Variants in GFRA1 observed in about 807,000 individuals in gnomAD.
The protein encoded by GFRA1 is GDNF family receptor alpha 1.
GFRA1 carries 16 observed loss-of-function variants against 51.6 expected under a neutral mutation model. That is an observed-to-expected ratio of 0.31 (90% confidence interval 0.21 to 0.47). The LOEUF (loss-of-function observed/expected upper bound fraction) is 0.47, where lower values mean the gene tolerates loss of function less well. Ranked by LOEUF, GFRA1 falls within the 20% of genes least tolerant of loss-of-function variation. The pLI, the probability that GFRA1 is intolerant of heterozygous loss-of-function variation, is 1.00. For missense variants in GFRA1, 530 were observed against 594.3 expected, an observed-to-expected ratio of 0.89 and a Z score of 1.13; for synonymous variants, 270 against 241.3, an observed-to-expected ratio of 1.12 and a Z score of -1.10.
At chr10:116,075,225 AAG>A (rs1246914108) in intron 9 of GFRA1, among the ~76,000 whole-genome samples, 2 of 152,106 alleles carry the variant, frequency 1.3e-5, no homozygotes, top group Non-Finnish European at 2.9e-5. Flanking sequence ...TTAAAAAAAA[AAG>A]TGCTTAGGAG....
chr10:116,192,011 G>T (rs906942414), intron 5 of GFRA1, among the ~76,000 whole-genome samples: 15 of 152,314 alleles, frequency 9.8e-5, no homozygotes, highest in African/African-American at 3.6e-4. Flanking sequence ...TCGGGGACAA[G>T]AGTGAGACTT....
chr10:116,245,645 A>G (rs1268172606), intron 4 of GFRA1, among the ~76,000 whole-genome samples: 1 of 152,236 alleles, frequency 6.6e-6, no homozygotes, highest in Non-Finnish European at 1.5e-5. Context: ...TTATAGCTTT[A>G]TTCATAATAA....
At chr10:116,067,935 C>T (rs1316933907) in intron 9 of GFRA1, among the ~76,000 whole-genome samples, 1 of 152,186 alleles carries the variant, frequency 6.6e-6, no homozygotes, top group Non-Finnish European at 1.5e-5. Flanking sequence ...CTTGTTCCCC[C>T]AAAGCGGGTA....
At chr10:116,171,598 T>C (rs2134230090) in intron 5 of GFRA1, among the ~76,000 whole-genome samples, 1 of 152,344 alleles carries the variant, frequency 6.6e-6, no homozygotes, top group Admixed American at 6.5e-5. Context: ...ATTTGTAGCA[T>C]AAAATTTCTC....
upstream of GFRA1, among the ~76,000 whole-genome samples, chr10:116,274,495 G>A (rs986138588): frequency 6.6e-5 from 10 of 152,196 alleles, 1 homozygote; most frequent in South Asian, 4.1e-4. Flanking sequence ...GGGAGAAGAA[G>A]AGGAGGAAGG....
chr10:116,184,125 A>G (rs984477413), intron 5 of GFRA1, among the ~76,000 whole-genome samples: 2 of 152,154 alleles, frequency 1.3e-5, no homozygotes, highest in East Asian at 1.9e-4. Context: ...CATCAGCCCA[A>G]TTGTTCATGA....
rs1565546926 is a variant in GFRA1 at position 116,064,085 on chromosome 10, C to CATCATGATCATGATGATCATG, written c.*312_*313insCATGATCATCATGATCATGAT. 96 of 196,064 alleles carry CATCATGATCATGATGATCATG rather than the reference C, an allele frequency of 4.9e-4. No individual in the cohort carries two copies. Among genetic ancestry groups the CATCATGATCATGATGATCATG allele is most frequent in the African/African-American group, 1.6e-3 (37 of 23,294 alleles). The allele number at this position is 196,064 out of a possible 1,614,324, so 12.1% of individuals were successfully genotyped here. On this transcript the variant is annotated 3_prime_UTR_variant, in exon 11 of 11. Transcript: ENST00000355422. Reference sequence around the variant, plus strand: ...TCATCATCATGATCATGATGATCATCATCATGATCATCATCATCATCGAAA... The same window carrying CATCATGATCATGATGATCATG: ...TCATCATCATGATCATGATGATCATCATCATGATCATGATGATCATGATCATGATCATCATCATCATCGAAA...
chr10:116,210,705 T>C (rs539954729), intron 5 of GFRA1, among the ~76,000 whole-genome samples: 43 of 152,290 alleles, frequency 2.8e-4, no homozygotes, highest in African/African-American at 1.0e-3. Context: ...ATAACAGTTG[T>C]GAAAATACCA....
chr10:116,211,831 G>A (rs949387188), intron 4 of GFRA1, among the ~76,000 whole-genome samples, 186 bp from the exon 5 acceptor site: 1 of 152,206 alleles, frequency 6.6e-6, no homozygotes, highest in South Asian at 2.1e-4. Context: ...GAGGCTGCTT[G>A]CATTTCAATC....
At chr10:116,065,546 C>T (rs376337481) in intron 10 of GFRA1, 27 bp downstream of exon 10, 150 of 1,589,982 alleles carry the variant, frequency 9.4e-5, no homozygotes, top group African/African-American at 2.2e-4. Flanking sequence ...TATAAATGCA[C>T]GAAGCCTCCA....
At position 116,257,146 on chromosome 10, in the gene GFRA1, T is replaced by C. The variant is rs1968925706; in HGVS notation, c.418+12357A>G. ...CCACTCAGCATCCACAGGGTCCCAA[T>C]GAACCGTTGTCAGAGACCACCTTTC... On this transcript the variant is annotated intron_variant, in intron 4 of 10. Coordinates refer to ENST00000355422, the MANE Select transcript of GFRA1 (RefSeq NM_005264.8). 3.9e-5 allele frequency among the ~76,000 whole-genome samples: 6 copies of C among 152,204 alleles called. No homozygotes were observed. The South Asian group carries it at 1.2e-3, about 32-fold the overall frequency.
At chr10:116,154,545 A>C (rs1297628499) in intron 5 of GFRA1, among the ~76,000 whole-genome samples, 1 of 152,172 alleles carries the variant, frequency 6.6e-6, no homozygotes, top group African/African-American at 2.4e-5. Flanking sequence ...AATGGTGGCT[A>C]CCTTTGTGGG....
At chr10:116,266,617 T>A (rs1209849384) in intron 4 of GFRA1, among the ~76,000 whole-genome samples, 1 of 152,184 alleles carries the variant, frequency 6.6e-6, no homozygotes, top group Non-Finnish European at 1.5e-5. Flanking sequence ...CTCTGGCTAA[T>A]TCATTATGAT....
At chr10:116,118,880 G>A (rs1419803213) in intron 6 of GFRA1, among the ~76,000 whole-genome samples, 1 of 152,200 alleles carries the variant, frequency 6.6e-6, no homozygotes, top group Non-Finnish European at 1.5e-5. Flanking sequence ...GATGCAGGGA[G>A]GGGACCAGCT....
intron 5 of GFRA1, among the ~76,000 whole-genome samples, chr10:116,168,364 T>C (rs1220700380): frequency 1.3e-5 from 2 of 152,134 alleles, no homozygotes; most frequent in Non-Finnish European, 2.9e-5. Flanking sequence ...CAAAAGAGGA[T>C]TGAGCAAGGC....
chr10:116,222,237 C>T (rs991180267), intron 4 of GFRA1, among the ~76,000 whole-genome samples: 4 of 151,980 alleles, frequency 2.6e-5, no homozygotes, highest in Non-Finnish European at 4.4e-5. Flanking sequence ...CTTGCCCTGT[C>T]GCCCAGGCTG....
chr10:116,093,867 T>C (rs751509894), intron 7 of GFRA1, 31 bp from the exon 8 acceptor site: 3 of 1,611,618 alleles, frequency 1.9e-6, no homozygotes, highest in Non-Finnish European at 2.5e-6. Context: ...CATTTTATTG[T>C]TGTATGATGA....
intron 5 of GFRA1, among the ~76,000 whole-genome samples, chr10:116,168,562 C>T (rs972422311): frequency 5.3e-5 from 8 of 152,120 alleles, no homozygotes; most frequent in African/African-American, 1.9e-4. Flanking sequence ...CTCATCAGGC[C>T]ACAGGAGGAA....
At chr10:116,100,960 G>A (rs1195176416) in intron 6 of GFRA1, among the ~76,000 whole-genome samples, 1 of 152,220 alleles carries the variant, frequency 6.6e-6, no homozygotes, top group Non-Finnish European at 1.5e-5. Flanking sequence ...TGGTGGGAAA[G>A]ATGGGGGAGG....
Sources: allele counts gnomAD v4.1 joint callset (sites outside exome capture counted in the v4.1 genomes callset), GRCh38; gene constraint gnomAD v4.1.1; transcripts MANE v1.5; gene names NCBI Gene and HGNC (gene_info 2026-07-23, HGNC 2026-07-21).